The following VPS13B variants were observed in gnomAD, a reference collection of about 807,000 sequenced individuals.
VPS13B encodes intermembrane lipid transfer protein VPS13B.
VPS13B carries 285 observed loss-of-function variants against 426.4 expected under a neutral mutation model. The observed-to-expected ratio is 0.67, with a 90% CI of 0.61 to 0.74. The LOEUF is 0.74. Ranked by LOEUF, VPS13B falls within the 30% of genes least tolerant of loss-of-function variation. VPS13B has a pLI of 0.00. For synonymous variants in VPS13B, 1,676 were observed against 1,676.4 expected, an observed-to-expected ratio of 1.00 and a Z score of 0.01; for missense variants, 4,537 against 4,782.6, an observed-to-expected ratio of 0.95 and a Z score of 1.51.
intron 22 of VPS13B, among the ~76,000 whole-genome samples, chr8:99,439,152 AATG>A (rs1329535768): frequency 6.6e-6 from 1 of 152,152 alleles, no homozygotes; most frequent in African/African-American, 2.4e-5. Context: ...TCTGGAATGA[AATG>A]ATGAACAACG....
intron 33 of VPS13B, among the ~76,000 whole-genome samples, chr8:99,608,150 CT>C (rs200976473): frequency 0.15 from 20,625 of 138,308 alleles, 1,726 homozygotes; most frequent in East Asian, 0.38. Context: ...TTTTAATCTA[CT>C]TTTTTTTTTT....
At chr8:99,586,938 A>C (rs1178934551) in intron 33 of VPS13B, among the ~76,000 whole-genome samples, 2 of 152,034 alleles carry the variant, frequency 1.3e-5, no homozygotes, top group Non-Finnish European at 2.9e-5. Flanking sequence ...TTAACTCGTC[A>C]TTTACGTTAG....
At chr8:99,394,087 T>TTCAGTAGCATTAGGTATAAA (rs1192295389) in intron 21 of VPS13B, among the ~76,000 whole-genome samples, 10 of 152,148 alleles carry the variant, frequency 6.6e-5, no homozygotes, top group African/African-American at 2.4e-4. Flanking sequence ...CTTAGCCATT[T>TTCAGTAGCATTAGGTATAAA]TCAGTAGCAT....
At chr8:99,392,788 T>G (rs1396600060) in intron 21 of VPS13B, among the ~76,000 whole-genome samples, 1 of 152,160 alleles carries the variant, frequency 6.6e-6, no homozygotes, top group Non-Finnish European at 1.5e-5. Flanking sequence ...TTAATTATGT[T>G]TATTTTGTGG....
intron 33 of VPS13B, among the ~76,000 whole-genome samples, chr8:99,641,141 A>G (rs1829340618): frequency 1.3e-5 from 2 of 152,308 alleles, no homozygotes; most frequent in South Asian, 2.1e-4. Context: ...TTTATTGCAC[A>G]AAGGAATAAT....
At chr8:99,620,602 T>G (rs907996873) in intron 33 of VPS13B, among the ~76,000 whole-genome samples, 1 of 152,012 alleles carries the variant, frequency 6.6e-6, no homozygotes, top group East Asian at 1.9e-4. Context: ...TAAAATACTT[T>G]CCCAACCTCA....
intron 13 of VPS13B, among the ~76,000 whole-genome samples, chr8:99,146,869 C>G (rs985770050): frequency 6.6e-6 from 1 of 152,078 alleles, no homozygotes; most frequent in African/African-American, 2.4e-5. Flanking sequence ...TGTGCTGGCA[C>G]TTGACTCTTT....
In VPS13B at chr8:99,307,939, G is replaced by T. The variant is rs7819840; in HGVS notation, c.2824+32685G>T. 3.3e-5 allele frequency among the ~76,000 whole-genome samples: 5 copies of T among 151,856 alleles called. No homozygotes were observed. The South Asian group carries it at 6.2e-4, about 19-fold the overall frequency. ...GCTTTTGCTGTATTCCCTAGGTTTT[G>T]GTATGTTGTGTTTTCATTTTCATTT... On this transcript the variant is annotated intron_variant, in intron 19 of 61. Transcript: ENST00000357162.
chr8:99,369,230 T>A (rs1813048627), intron 19 of VPS13B, among the ~76,000 whole-genome samples: 1 of 152,200 alleles, frequency 6.6e-6, no homozygotes, highest in Admixed American at 6.5e-5. Context: ...CTTGAGTCGC[T>A]AGCACAATAA....
At chr8:99,200,262 C>T (rs764358446) in intron 17 of VPS13B, among the ~76,000 whole-genome samples, 140 of 152,070 alleles carry the variant, frequency 9.2e-4, no homozygotes, top group South Asian at 1.2e-3. Flanking sequence ...AATAGTATTC[C>T]ATTTTATCCA....
chr8:99,475,451 A>G (rs1008889293), intron 24 of VPS13B, among the ~76,000 whole-genome samples: 2 of 152,208 alleles, frequency 1.3e-5, no homozygotes, highest in Non-Finnish European at 2.9e-5. Flanking sequence ...TGTTCTAGTT[A>G]TCCATAGCTG....
intron 35 of VPS13B, among the ~76,000 whole-genome samples, chr8:99,685,654 T>TA (rs1369839750): frequency 6.6e-6 from 1 of 152,224 alleles, no homozygotes. Flanking sequence ...TTCTTCAGTA[T>TA]ATCAGTTGCA....
chr8:99,358,683 A>AG (rs895003984), intron 19 of VPS13B, among the ~76,000 whole-genome samples: 2 of 152,194 alleles, frequency 1.3e-5, no homozygotes, highest in African/African-American at 4.8e-5. Context: ...GTCTCACTTT[A>AG]GGACACATCT....
At chr8:99,457,124 C>T (rs75648937) in intron 23 of VPS13B, among the ~76,000 whole-genome samples, 7,477 of 151,620 alleles carry the variant, frequency 0.049, 207 homozygotes, top group African/African-American at 0.071. Context: ...CTCTGCCTCC[C>T]GGGTTCAAGC....
intron 22 of VPS13B, among the ~76,000 whole-genome samples, chr8:99,435,093 G>A (rs746729701): frequency 5.4e-4 from 82 of 152,156 alleles, no homozygotes; most frequent in Non-Finnish European, 1.6e-4. Flanking sequence ...ATGTCAAGAG[G>A]AATGTTACTT....
chr8:99,667,127 T>C (rs1830520139), intron 35 of VPS13B, among the ~76,000 whole-genome samples: 1 of 152,206 alleles, frequency 6.6e-6, no homozygotes, highest in Non-Finnish European at 1.5e-5. Flanking sequence ...ATTTGAAGCT[T>C]CCCTGGGGAG....
chr8:99,142,687 A>T (rs1280702697), intron 12 of VPS13B, among the ~76,000 whole-genome samples: 2 of 152,236 alleles, frequency 1.3e-5, no homozygotes, highest in African/African-American at 4.8e-5. Flanking sequence ...ACTAGATATA[A>T]GCCAATTAGG....
At chr8:99,740,810 G>T (rs988961976) in intron 39 of VPS13B, among the ~76,000 whole-genome samples, 1 of 152,110 alleles carries the variant, frequency 6.6e-6, no homozygotes, top group African/African-American at 2.4e-5. Context: ...CCCTAAAAGA[G>T]CTCCTGAAGG....
At chr8:99,231,459 G>A (rs1816319228) in intron 17 of VPS13B, among the ~76,000 whole-genome samples, 1 of 151,868 alleles carries the variant, frequency 6.6e-6, no homozygotes, top group African/African-American at 2.4e-5. Context: ...TAAAATTCAC[G>A]GCATCTCCAA....
Sources: allele counts gnomAD v4.1 joint callset (sites outside exome capture counted in the v4.1 genomes callset), GRCh38; gene constraint gnomAD v4.1.1; transcripts MANE v1.5; gene names NCBI Gene and HGNC (gene_info 2026-07-23, HGNC 2026-07-21).